The following FRMD4A variants were observed in gnomAD, a reference collection of about 807,000 sequenced individuals.
FRMD4A encodes FERM domain-containing protein 4A.
A neutral mutation model predicts 129.1 loss-of-function variants in FRMD4A; 29 were observed. The observed-to-expected ratio is 0.22, with a 90% CI of 0.17 to 0.31. The LOEUF (loss-of-function observed/expected upper bound fraction) is 0.31. Among genes scored for constraint, FRMD4A ranks in the 10% least tolerant of loss-of-function variants. The probability of loss-of-function intolerance (pLI) is 1.00; values close to 1 mark genes in which losing one functional copy is unlikely to be tolerated. For missense variants in FRMD4A, 1,272 were observed against 1,375.8 expected (o/e 0.92, Z 1.19); for synonymous variants, 634 against 571.6 (o/e 1.11, Z -1.56).
intron 2 of FRMD4A, among the ~76,000 whole-genome samples, chr10:14,011,474 C>A (rs970764759): frequency 1.3e-5 from 2 of 152,136 alleles, no homozygotes; most frequent in Non-Finnish European, 2.9e-5. Flanking sequence ...GCTGCTGAAG[C>A]CTTCATCCAT....
intron 2 of FRMD4A, among the ~76,000 whole-genome samples, chr10:14,255,515 G>A (rs1018731520): frequency 3.3e-5 from 5 of 152,306 alleles, no homozygotes; most frequent in South Asian, 2.1e-4. Context: ...AATGCACCAC[G>A]ATGTTCAGAG....
chr10:13,930,007 A>C (rs371057366), intron 2 of FRMD4A, among the ~76,000 whole-genome samples: 7 of 152,328 alleles, frequency 4.6e-5, no homozygotes, highest in African/African-American at 1.4e-4. Flanking sequence ...GGATTATAAT[A>C]ATTATTATTC....
chr10:14,296,963 G>C (rs192694953), intron 2 of FRMD4A, among the ~76,000 whole-genome samples: 121 of 152,152 alleles, frequency 8.0e-4, no homozygotes, highest in African/African-American at 2.7e-3. Flanking sequence ...AGAACTCTCC[G>C]AGCCCAGACA....
intron 2 of FRMD4A, among the ~76,000 whole-genome samples, chr10:14,233,443 G>A (rs1209947820): frequency 1.3e-5 from 2 of 152,130 alleles, no homozygotes; most frequent in African/African-American, 2.4e-5. Context: ...GCATGGTGGT[G>A]CACACCTATA....
intron 2 of FRMD4A, among the ~76,000 whole-genome samples, chr10:14,322,366 T>C (rs1458395184): frequency 6.6e-6 from 1 of 152,060 alleles, no homozygotes; most frequent in African/African-American, 2.4e-5. Flanking sequence ...AGACCATAAA[T>C]TCTACATTTG....
chr10:13,780,815 A>G (rs1161075660), intron 6 of FRMD4A, among the ~76,000 whole-genome samples: 1 of 152,218 alleles, frequency 6.6e-6, no homozygotes, highest in African/African-American at 2.4e-5. Context: ...GTACCCTATG[A>G]TCTGGCAATA....
At chr10:13,808,682 C>T (rs1024225088) in intron 4 of FRMD4A, among the ~76,000 whole-genome samples, 2 of 152,248 alleles carry the variant, frequency 1.3e-5, no homozygotes, top group Admixed American at 6.5e-5. Flanking sequence ...GCTCCTGACA[C>T]CTGCCCTTTC....
At chr10:13,746,840 C>T (rs563531428) in intron 9 of FRMD4A, among the ~76,000 whole-genome samples, 12 of 152,326 alleles carry the variant, frequency 7.9e-5, no homozygotes, top group Admixed American at 5.9e-4. Context: ...TCCAGGAATG[C>T]AAGCCCTGCC....
intron 2 of FRMD4A, among the ~76,000 whole-genome samples, chr10:13,984,649 C>T (rs1487609748): frequency 6.6e-6 from 1 of 152,140 alleles, no homozygotes; most frequent in Non-Finnish European, 1.5e-5. Flanking sequence ...TTGTGACTGG[C>T]TTATTTCACT....
chr10:14,155,888 A>G (rs1205236114), intron 2 of FRMD4A, among the ~76,000 whole-genome samples: 5 of 152,208 alleles, frequency 3.3e-5, no homozygotes, highest in Non-Finnish European at 7.3e-5. Context: ...TTAATTATAC[A>G]TAGATACAAA....
At chr10:14,159,158 G>T (rs771485751) in intron 2 of FRMD4A, among the ~76,000 whole-genome samples, 1 of 152,112 alleles carries the variant, frequency 6.6e-6, no homozygotes, top group Non-Finnish European at 1.5e-5. Context: ...GGGATTGCTG[G>T]AAAATATAAA....
chr10:14,063,581 C>T (rs1052752188), intron 2 of FRMD4A, among the ~76,000 whole-genome samples: 1 of 150,820 alleles, frequency 6.6e-6, no homozygotes, highest in African/African-American at 2.4e-5. Flanking sequence ...AAGTCATATA[C>T]TTGAATTGTA....
intron 2 of FRMD4A, among the ~76,000 whole-genome samples, chr10:14,211,100 T>C (rs1243912280): frequency 6.6e-6 from 1 of 152,156 alleles, no homozygotes; most frequent in Non-Finnish European, 1.5e-5. Flanking sequence ...AGAACTAGGT[T>C]CCTATCCCCC....
intron 2 of FRMD4A, among the ~76,000 whole-genome samples, chr10:14,239,409 G>C (rs7911311): frequency 0.94 from 142,812 of 152,222 alleles, 67,301 homozygotes; most frequent in East Asian, 1. Flanking sequence ...GGGCGGATCA[G>C]GAGGTCAGGA....
At position 13,657,135 on chromosome 10, in the gene FRMD4A, G is replaced by GCCC; in HGVS notation, c.2451_2453dup (p.Gly819dup). 7.2e-7 allele frequency: 1 copy of GCCC among 1,393,906 alleles called. No homozygotes were observed. The highest frequency in any genetic ancestry group is 9.5e-7 in the Non-Finnish European group (1 of 1,049,278). The allele number at this position is 1,393,906 out of a possible 1,614,324, so 86.3% of individuals were successfully genotyped here. ...GGCTCTGGCTGTGCAGGTACACACC[G>GCCC]CCCCCCGCGCCCCCCGCGCCCCCCG... On this transcript the variant is annotated inframe_insertion, in exon 22 of 25. Coordinates refer to ENST00000357447, the MANE Select transcript of FRMD4A (RefSeq NM_018027.5).
chr10:13,949,309 AAAAAAAAAAG>A (rs1365836515), intron 2 of FRMD4A, among the ~76,000 whole-genome samples: 2 of 151,394 alleles, frequency 1.3e-5, no homozygotes, highest in African/African-American at 4.8e-5. Flanking sequence ...ATCAAAAAAA[AAAAAAAAAAG>A]AAAGAAAGAA....
chr10:14,180,782 G>T (rs977832654), intron 2 of FRMD4A, among the ~76,000 whole-genome samples: 5 of 152,228 alleles, frequency 3.3e-5, no homozygotes, highest in African/African-American at 4.8e-5. Context: ...TCACATTTCT[G>T]TGGCTCACCC....
intron 6 of FRMD4A, among the ~76,000 whole-genome samples, chr10:13,773,690 T>G (rs2092521680): frequency 6.6e-6 from 1 of 152,266 alleles, no homozygotes. Flanking sequence ...CTGTGATGAC[T>G]AATTTTTGAT....
intron 13 of FRMD4A, among the ~76,000 whole-genome samples, chr10:13,703,692 T>A (rs2087100839): frequency 6.6e-6 from 1 of 152,066 alleles, no homozygotes; most frequent in African/African-American, 2.4e-5. Flanking sequence ...CACATTCAAC[T>A]TAAAAAGCAC....
Sources: gnomAD v4.1 joint callset for allele counts (sites outside exome capture counted in the v4.1 genomes callset) on GRCh38, gnomAD v4.1.1 for gene constraint, MANE v1.5 for transcripts, NCBI Gene and HGNC (gene_info 2026-07-23, HGNC 2026-07-21) for gene names.